Variants in PTP4A3 observed in about 807,000 individuals in gnomAD.
PTP4A3 encodes protein tyrosine phosphatase type IVA 3.
In PTP4A3, 9 loss-of-function variants were observed where a neutral mutation model predicts 15.2. That is an observed-to-expected ratio of 0.59 (90% CI 0.36 to 1.03). The LOEUF (loss-of-function observed/expected upper bound fraction) is 1.03. Among genes scored for constraint, PTP4A3 ranks in the 50% least tolerant of loss-of-function variants. The pLI, the probability that PTP4A3 is intolerant of heterozygous loss-of-function variation, is 0.02. For synonymous variants in PTP4A3, 95 were observed against 102.0 expected (o/e 0.93, Z 0.41); for missense variants, 234 against 252.1 (o/e 0.93, Z 0.49).
intron 1 of PTP4A3, among the ~76,000 whole-genome samples, chr8:141,402,378 T>A (rs7824029): frequency 0.25 from 38,635 of 152,126 alleles, 5,768 homozygotes; most frequent in East Asian, 0.6. Context: ...CTCAGGGGCC[T>A]GGGTTTCCAC....
At chr8:141,430,214 AGC>A (rs1833796576) in intron 5 of PTP4A3, among the ~76,000 whole-genome samples, 2 of 136,416 alleles carry the variant, frequency 1.5e-5, no homozygotes, top group Admixed American at 7.3e-5. Context: ...GGACAGGGTG[AGC>A]GCATAGCCCA....
chr8:141,426,667 C>T (rs1833590105), intron 3 of PTP4A3: 1 of 985,316 alleles, frequency 1.0e-6, no homozygotes, highest in Non-Finnish European at 1.2e-6. Context: ...GGAGCAGGCT[C>T]TATTCAGAAA....
intron 1 of PTP4A3, among the ~76,000 whole-genome samples, chr8:141,394,087 G>A (rs1034295121): frequency 1.3e-5 from 2 of 152,190 alleles, no homozygotes; most frequent in East Asian, 1.9e-4. Flanking sequence ...CGCCAGGGTG[G>A]GCAGAGTGTC....
At chr8:141,423,777 A>G (rs748017250) in intron 2 of PTP4A3, among the ~76,000 whole-genome samples, 1 of 150,446 alleles carries the variant, frequency 6.6e-6, no homozygotes, top group Non-Finnish European at 1.5e-5. Flanking sequence ...ATTGAGGCTT[A>G]GTAGGTGAGC....
intron 5 of PTP4A3, among the ~76,000 whole-genome samples, chr8:141,428,706 A>G (rs1237080920): frequency 6.6e-6 from 1 of 152,176 alleles, no homozygotes; most frequent in Non-Finnish European, 1.5e-5. Flanking sequence ...CCTGGGGACC[A>G]TGGGATGTGC....
chr8:141,413,867 C>CTG (rs1418186292), intron 1 of PTP4A3, among the ~76,000 whole-genome samples: 1 of 152,132 alleles, frequency 6.6e-6, no homozygotes, highest in African/African-American at 2.4e-5. Flanking sequence ...ATGAAAGATG[C>CTG]GGTATGGACA....
rs1376620779 is a variant in PTP4A3 at position 141,417,933 on chromosome 8, G to T, written c.-853-3455G>T. On this transcript the variant is annotated intron_variant, in intron 1 of 5. Coordinates refer to ENST00000521578, the MANE Select transcript of PTP4A3 (RefSeq NM_032611.3). Reference sequence around the variant, plus strand: ...CAGCGCCTGGAGCCGGCTCCGCGGCGGAGGGGCGGCGCCCCGACCCAGGGC... The same window carrying T: ...CAGCGCCTGGAGCCGGCTCCGCGGCTGAGGGGCGGCGCCCCGACCCAGGGC... 2.0e-5 allele frequency among the ~76,000 whole-genome samples: 3 copies of T among 151,964 alleles called. No individual in the cohort carries two copies. The East Asian group carries it at 5.8e-4, about 30-fold the overall frequency.
chr8:141,420,575 C>T (rs1833283919), intron 1 of PTP4A3, among the ~76,000 whole-genome samples: 1 of 152,236 alleles, frequency 6.6e-6, no homozygotes, highest in Non-Finnish European at 1.5e-5. Flanking sequence ...GGTGTGAACC[C>T]ACTCCTGGCC....
rs566839721 is a variant in PTP4A3, at chr8:141,399,939, C to T, written c.-854+7855C>T. On this transcript the variant is annotated intron_variant, in intron 1 of 5. Coordinates refer to ENST00000521578, the MANE Select transcript of PTP4A3 (RefSeq NM_032611.3). ...TTCTCTTTTTTGAGACGGAGTCTCA[C>T]CCTGTTGTCCAGGCTGGAATACAGT... is the stretch of plus-strand genomic sequence containing the variant. Among the ~76,000 whole-genome samples, 4 of 152,376 alleles carry T rather than the reference C, an allele frequency of 2.6e-5. No individual in the cohort carries two copies. In the South Asian group the frequency reaches 8.3e-4, roughly 32 times the overall value.
At chr8:141,428,613 TGTGGCCCGCCCTGTGGGTCTGCGAGAGC>T (rs1450726587) in intron 5 of PTP4A3, among the ~76,000 whole-genome samples, 100 of 151,622 alleles carry the variant, frequency 6.6e-4, no homozygotes, top group African/African-American at 2.0e-3. Flanking sequence ...TGTGTGAGAG[TGTGGCCCGCCCTGTGGGTCTGCGAGAGC>T]GTGGCCCGCC....
intron 1 of PTP4A3, among the ~76,000 whole-genome samples, chr8:141,402,881 C>G (rs9324547): frequency 0.47 from 70,746 of 152,054 alleles, 20,493 homozygotes; most frequent in African/African-American, 0.82. Flanking sequence ...GAGAACCGGG[C>G]CTTTGGCGGA....
chr8:141,414,733 G>C (rs982352931), intron 1 of PTP4A3, among the ~76,000 whole-genome samples: 60 of 152,102 alleles, frequency 3.9e-4, no homozygotes, highest in African/African-American at 1.2e-3. Flanking sequence ...GGGGGAGCAG[G>C]GATAAGGGTG....
At position 141,431,027 on chromosome 8, in the gene PTP4A3, C is replaced by G. The variant is rs145589058; in HGVS notation, c.505C>G (p.Arg169Gly). The G allele has an allele frequency of 1.9e-6, 3 of 1,613,158 alleles. No individual in the cohort carries two copies. Among genetic ancestry groups the G allele is most frequent in the East Asian group, 4.5e-5 (2 of 44,876 alleles). The stretch of plus-strand genomic sequence containing the variant: ...CAAAGACCCACACACGCACAAGACC[C>G]GGTGCTGCGTTATGTAGCTCAGGAC... ...RFKDPHTHKT[R>G]CCVM The change falls in exon 6 of 6, where the codon CGG (arginine) becomes GGG (glycine). Residue 169 changes from arginine (R) to glycine (G), a missense_variant. Physicochemically the swap from Arg to Gly is moderately radical, Grantham distance 125 (BLOSUM62 -2). Transcript: ENST00000521578.
At chr8:141,407,568 A>AT (rs34070633) in intron 1 of PTP4A3, among the ~76,000 whole-genome samples, 15,341 of 139,786 alleles carry the variant, frequency 0.11, 2,649 homozygotes, top group African/African-American at 0.36. Flanking sequence ...TAAACTTTCT[A>AT]TTTTTTTTTT....
chr8:141,409,918 G>A (rs1832823942), intron 1 of PTP4A3, among the ~76,000 whole-genome samples: 1 of 152,154 alleles, frequency 6.6e-6, no homozygotes, highest in Non-Finnish European at 1.5e-5. Context: ...CACCTGGGCT[G>A]GGCATCCAGT....
At chr8:141,393,315 C>G (rs926712270) in intron 1 of PTP4A3, among the ~76,000 whole-genome samples, 14 of 152,208 alleles carry the variant, frequency 9.2e-5, no homozygotes, top group Non-Finnish European at 1.9e-4. Context: ...GGGCCCCGAA[C>G]CTGTCACCTG....
At chr8:141,393,440 C>T (rs546881617) in intron 1 of PTP4A3, among the ~76,000 whole-genome samples, 9 of 152,324 alleles carry the variant, frequency 5.9e-5, no homozygotes, top group South Asian at 2.1e-4. Context: ...CAAATAGCCC[C>T]GCTAGGGAGC....
chr8:141,399,843 C>T (rs1277077402), intron 1 of PTP4A3, among the ~76,000 whole-genome samples: 7 of 152,186 alleles, frequency 4.6e-5, no homozygotes, highest in East Asian at 1.9e-4. Context: ...GGCAGCACTG[C>T]GGGACCCACA....
At chr8:141,419,508 G>A (rs1266621336) in intron 1 of PTP4A3, among the ~76,000 whole-genome samples, 7 of 152,004 alleles carry the variant, frequency 4.6e-5, no homozygotes, top group Non-Finnish European at 8.8e-5. Flanking sequence ...GGGACTGGCG[G>A]GACCAGGGAC....
Sources: allele counts gnomAD v4.1 joint callset (sites outside exome capture counted in the v4.1 genomes callset), GRCh38; gene constraint gnomAD v4.1.1; transcripts MANE v1.5; gene names NCBI Gene and HGNC (gene_info 2026-07-23, HGNC 2026-07-21).